GNAL: variants seen among roughly 807,000 people sequenced by gnomAD.
GNAL encodes the protein guanine nucleotide-binding protein G(olf) subunit alpha.
A neutral mutation model predicts 55.1 loss-of-function variants in GNAL; 18 were observed. The observed-to-expected ratio is 0.33, with a 90% CI of 0.23 to 0.48. The LOEUF (loss-of-function observed/expected upper bound fraction) is 0.48, where lower values mean the gene tolerates loss of function less well. GNAL is among the 20% of genes least tolerant of loss of function. The pLI is 0.99. For missense variants in GNAL, 412 were observed against 614.1 expected (o/e 0.67, Z 3.48); for synonymous variants, 253 against 237.0 (o/e 1.07, Z -0.62).
At chr18:11,775,313 C>T (rs924912856) in intron 4 of GNAL, among the ~76,000 whole-genome samples, 1 of 152,234 alleles carries the variant, frequency 6.6e-6, no homozygotes, top group Admixed American at 6.5e-5. Flanking sequence ...CATATGCACA[C>T]ACTGGGAGGA....
At chr18:11,816,866 T>C (rs1394538470) in intron 4 of GNAL, among the ~76,000 whole-genome samples, 2 of 149,070 alleles carry the variant, frequency 1.3e-5, no homozygotes. Flanking sequence ...ACAAAATGGA[T>C]GAATTTCAAA....
At chr18:11,781,135 A>C (rs1347712920) in intron 4 of GNAL, among the ~76,000 whole-genome samples, 1 of 152,186 alleles carries the variant, frequency 6.6e-6, no homozygotes, top group Non-Finnish European at 1.5e-5. Flanking sequence ...TAAGACTTTA[A>C]ATATAGGGAA....
chr18:11,725,648 T>C (rs887116557), intron 1 of GNAL, among the ~76,000 whole-genome samples: 1 of 152,220 alleles, frequency 6.6e-6, no homozygotes, highest in African/African-American at 2.4e-5. Context: ...CTTTTCATCA[T>C]CAAATAGTAG....
Position 11,809,756 on chromosome 18 carries a change from TAGAA to T in GNAL, c.625-15158_625-15155del, listed in dbSNP as rs544517647. Among the ~76,000 whole-genome samples the T allele has an allele frequency of 1.7e-3, 253 of 151,960 alleles. 2 individuals carry two copies. Among genetic ancestry groups the T allele is most frequent in the African/African-American group, 6.0e-3 (247 of 41,434 alleles). On this transcript the variant is annotated intron_variant, in intron 4 of 11. Transcript: ENST00000334049. ...TCAAAAAAGACAAACAGACAAAAAA[TAGAA>T]AGAGGGAAAATGTAAAACTTGAAAT...
chr18:11,825,107 G>A, intron 5 of GNAL, 92 bp downstream of exon 5: 2 of 736,404 alleles, frequency 2.7e-6, no homozygotes, highest in East Asian at 2.7e-5. Context: ...AGTTTCTTGA[G>A]TGCAAGGAAT....
intron 1 of GNAL, among the ~76,000 whole-genome samples, chr18:11,709,391 G>C (rs1012502678): frequency 6.7e-6 from 1 of 148,836 alleles, no homozygotes; most frequent in African/African-American, 2.5e-5. Flanking sequence ...TCAGTAGGTA[G>C]CTTTGGGTAG....
At chr18:11,744,664 T>C (rs2032649813) in intron 1 of GNAL, among the ~76,000 whole-genome samples, 1 of 152,234 alleles carries the variant, frequency 6.6e-6, no homozygotes, top group Non-Finnish European at 1.5e-5. Context: ...TTTCGGCTTC[T>C]TGGAGCATTG....
At chr18:11,879,380 CTCTG>C (rs1182691832) in intron 11 of GNAL, among the ~76,000 whole-genome samples, 2 of 152,156 alleles carry the variant, frequency 1.3e-5, no homozygotes, top group East Asian at 1.9e-4. Flanking sequence ...TCCACAGGAC[CTCTG>C]TCTAAGTCTG....
At chr18:11,817,035 G>T (rs1337944260) in intron 4 of GNAL, among the ~76,000 whole-genome samples, 1 of 152,118 alleles carries the variant, frequency 6.6e-6, no homozygotes, top group Non-Finnish European at 1.5e-5. Flanking sequence ...GGCACCTTTC[G>T]TGTGATAGAG....
Position 11,721,101 on chromosome 18 carries a change from A to G in GNAL, c.376+31162A>G, listed in dbSNP as rs572479756. Among the ~76,000 whole-genome samples, 11 of 152,342 alleles carry G rather than the reference A, an allele frequency of 7.2e-5. No homozygotes were observed. The South Asian group carries it at 8.3e-4, about 11-fold the overall frequency. Reference sequence around the variant, plus strand: ...TCAGCTCTAAGTTCAAAAATTCACAATAAAACTTTACCACTGCTAAGCCAC... The same window carrying G: ...TCAGCTCTAAGTTCAAAAATTCACAGTAAAACTTTACCACTGCTAAGCCAC... On this transcript the variant is annotated intron_variant, in intron 1 of 11. Transcript: ENST00000334049.
intron 4 of GNAL, among the ~76,000 whole-genome samples, chr18:11,765,270 G>A (rs1015870476): frequency 6.6e-5 from 10 of 151,950 alleles, no homozygotes; most frequent in African/African-American, 2.4e-4. Flanking sequence ...AACTTTTTTT[G>A]GTTTTTAAAT....
chr18:11,737,661 G>A (rs1033045415), intron 1 of GNAL, among the ~76,000 whole-genome samples: 3 of 152,230 alleles, frequency 2.0e-5, no homozygotes, highest in African/African-American at 7.2e-5. Flanking sequence ...AGCAGTGCAG[G>A]TTTCCATCCG....
chr18:11,810,181 A>C (rs1434201379), intron 4 of GNAL, among the ~76,000 whole-genome samples: 6 of 152,250 alleles, frequency 3.9e-5, no homozygotes, highest in Non-Finnish European at 7.3e-5. Context: ...GCTTGAGCTC[A>C]GGAGTTGTCA....
rs969770892 is a variant in GNAL, at chr18:11,878,400, A to G, written c.1230+1712A>G. On this transcript the variant is annotated intron_variant, in intron 11 of 11. Transcript: ENST00000334049. Reference sequence around the variant, plus strand: ...TAGGAATTTGAGGTGGCAGTGAGCTATGATTGTGCCACTGCACCCCAACCT... The same window carrying G: ...TAGGAATTTGAGGTGGCAGTGAGCTGTGATTGTGCCACTGCACCCCAACCT... 4.6e-5 allele frequency among the ~76,000 whole-genome samples: 7 copies of G among 152,102 alleles called. No individual in the cohort carries two copies. The East Asian group carries it at 7.7e-4, about 17-fold the overall frequency.
chr18:11,833,876 C>T (rs1221938632), intron 5 of GNAL, among the ~76,000 whole-genome samples: 1 of 152,200 alleles, frequency 6.6e-6, no homozygotes, highest in Non-Finnish European at 1.5e-5. Flanking sequence ...TGGAATGCCA[C>T]TAGCAAAGAG....
chr18:11,880,554 A>G (rs991024560), intron 11 of GNAL, among the ~76,000 whole-genome samples: 3 of 152,194 alleles, frequency 2.0e-5, no homozygotes, highest in African/African-American at 4.8e-5. Flanking sequence ...CAGCCTGGGC[A>G]ACAGAGCTAG....
At position 11,764,382 on chromosome 18, in the gene GNAL, C is replaced by T. The variant is rs866316293; in HGVS notation, c.624+10437C>T. ...TTGACCTCCCAAGGTGTTGGGATTA[C>T]AGGCGTGAGCCACCATGCCTGGCCC... On this transcript the variant is annotated intron_variant, in intron 4 of 11. Coordinates refer to ENST00000334049, the MANE Select transcript of GNAL (RefSeq NM_182978.4). Among the ~76,000 whole-genome samples, 9 of 152,316 alleles carry T rather than the reference C, an allele frequency of 5.9e-5. No individual in the cohort carries two copies. The Middle Eastern group carries it at 0.01, about 173-fold the overall frequency.
chr18:11,809,257 CAA>C (rs112266970), intron 4 of GNAL, among the ~76,000 whole-genome samples: 8 of 143,074 alleles, frequency 5.6e-5, no homozygotes, highest in Admixed American at 1.4e-4. Flanking sequence ...GACTCTATCT[CAA>C]AAAAAAAAAG....
intron 4 of GNAL, among the ~76,000 whole-genome samples, chr18:11,755,434 CG>C (rs1223937217): frequency 2.0e-5 from 3 of 152,070 alleles, no homozygotes; most frequent in Non-Finnish European, 4.4e-5. Context: ...CCACCTCACC[CG>C]GCTAATGTTT....
Sources: allele counts gnomAD v4.1 joint callset (sites outside exome capture counted in the v4.1 genomes callset), GRCh38; gene constraint gnomAD v4.1.1; transcripts MANE v1.5; gene names NCBI Gene and HGNC (gene_info 2026-07-23, HGNC 2026-07-21).